The following TBC1D32 variants were observed in gnomAD, a reference collection of about 807,000 sequenced individuals.
TBC1D32 encodes the protein protein broad-minded.
A neutral mutation model predicts 170.3 loss-of-function variants in TBC1D32; 151 were observed. The observed-to-expected ratio is 0.89, with a 90% CI of 0.78 to 1.01. The LOEUF (loss-of-function observed/expected upper bound fraction) is 1.01, where lower values mean the gene tolerates loss of function less well. TBC1D32 is among the 50% of genes least tolerant of loss of function. TBC1D32 has a pLI of 0.00. For missense variants in TBC1D32, 1,464 were observed against 1,457.1 expected (o/e 1.00, Z -0.08); for synonymous variants, 498 against 488.0 (o/e 1.02, Z -0.27).
intron 21 of TBC1D32, among the ~76,000 whole-genome samples, chr6:121,211,233 AAAAATGCAAAGGGCAGGTGAGT>A (rs1793013328): frequency 6.6e-6 from 1 of 152,184 alleles, no homozygotes; most frequent in South Asian, 2.1e-4. Flanking sequence ...TAAGTAACAG[AAAAATGCAAAGGGCAGGTGAGT>A]ATAGCAGGCT....
intron 15 of TBC1D32, among the ~76,000 whole-genome samples, chr6:121,269,952 A>G (rs1409935992): frequency 1.3e-5 from 2 of 152,178 alleles, no homozygotes; most frequent in African/African-American, 2.4e-5. Context: ...CTCAGGATTA[A>G]GAAACTCACT....
At chr6:121,182,913 T>A (rs1251804884) in intron 22 of TBC1D32, among the ~76,000 whole-genome samples, 2 of 152,032 alleles carry the variant, frequency 1.3e-5, no homozygotes, top group African/African-American at 4.8e-5. Context: ...GTTTTAATGG[T>A]GTATTTTTAG....
At chr6:121,242,792 A>G (rs1797152463) in intron 17 of TBC1D32, among the ~76,000 whole-genome samples, 1 of 151,944 alleles carries the variant, frequency 6.6e-6, no homozygotes, top group South Asian at 2.1e-4. Flanking sequence ...GTGTTAATTT[A>G]TTTTACTTTT....
chr6:121,125,236 G>A (rs112909525), intron 26 of TBC1D32, among the ~76,000 whole-genome samples: 3,228 of 152,272 alleles, frequency 0.021, 50 homozygotes, highest in African/African-American at 0.045. Flanking sequence ...TACCCATCTA[G>A]AGAACATTCT....
At chr6:121,258,682 G>T (rs1799368589) in intron 15 of TBC1D32, among the ~76,000 whole-genome samples, 1 of 151,958 alleles carries the variant, frequency 6.6e-6, no homozygotes, top group Admixed American at 6.6e-5. Context: ...TCATACAAAA[G>T]GTAGCATTCT....
intron 27 of TBC1D32, among the ~76,000 whole-genome samples, chr6:121,113,659 G>C (rs772212345): frequency 6.6e-6 from 1 of 152,142 alleles, no homozygotes; most frequent in African/African-American, 2.4e-5. Flanking sequence ...ACATGGGACA[G>C]TCCTGAACAG....
chr6:121,285,308 G>A lies in TBC1D32; in HGVS notation c.1373-1398C>T, dbSNP rs573868980. Among the ~76,000 whole-genome samples, 5 of 152,306 alleles carry A rather than the reference G, an allele frequency of 3.3e-5. No homozygotes were observed. The South Asian group carries it at 6.2e-4, about 19-fold the overall frequency. On this transcript the variant is annotated intron_variant, in intron 12 of 31. Transcript: ENST00000398212. Reference sequence around the variant, plus strand: ...AAAAGTGCATGGGTTGAAGTCCAGAGCTAACCAGTATAAACTTCTAAGTGT... The same window carrying A: ...AAAAGTGCATGGGTTGAAGTCCAGAACTAACCAGTATAAACTTCTAAGTGT...
chr6:121,133,645 C>A (rs1483623961), intron 24 of TBC1D32, among the ~76,000 whole-genome samples: 5 of 151,904 alleles, frequency 3.3e-5, no homozygotes, highest in African/African-American at 1.2e-4. Flanking sequence ...TCAGAAAAAC[C>A]CTTTTTATAC....
upstream of TBC1D32, chr6:121,334,689 C>T (rs2128522835): frequency 1.9e-6 from 1 of 515,288 alleles, no homozygotes; most frequent in South Asian, 2.4e-5. Flanking sequence ...ACCAGCAGAC[C>T]TCAGGCTCTC....
chr6:121,304,774 C>T lies in TBC1D32; in HGVS notation c.750G>A (p.Lys250=). The T allele has an allele frequency of 6.2e-7, 1 of 1,606,838 alleles. No individual in the cohort carries two copies. Among genetic ancestry groups the T allele is most frequent in the Non-Finnish European group, 8.5e-7 (1 of 1,177,262 alleles). ...TFLLSPLHMT[K]EIYTSLAKYL... ...ACATACCTAAGCTTGTATAAATTTCCTTGGTCATATGTAATGGAGAAAGCA... is the reference window on the plus strand; with the variant it reads ...ACATACCTAAGCTTGTATAAATTTCTTTGGTCATATGTAATGGAGAAAGCA... The change falls in exon 6 of 32, where the codon AAG becomes AAA. Residue 250 remains lysine, a synonymous_variant. Transcript: ENST00000398212.
intron 22 of TBC1D32, among the ~76,000 whole-genome samples, chr6:121,177,140 T>C (rs1042350762): frequency 6.6e-6 from 1 of 152,166 alleles, no homozygotes; most frequent in Non-Finnish European, 1.5e-5. Context: ...AGTCTGGATA[T>C]GTGTCCCTGC....
At chr6:121,268,067 C>A (rs541617887) in intron 15 of TBC1D32, among the ~76,000 whole-genome samples, 4 of 152,202 alleles carry the variant, frequency 2.6e-5, no homozygotes, top group African/African-American at 9.6e-5. Flanking sequence ...GGAAAACTAA[C>A]AAACAGAAAG....
At chr6:121,248,248 TA>T (rs1728248984) in intron 17 of TBC1D32, among the ~76,000 whole-genome samples, 1 of 151,952 alleles carries the variant, frequency 6.6e-6, no homozygotes, top group South Asian at 2.1e-4. Flanking sequence ...ACATAGATAT[TA>T]AAAAATCATT....
chr6:121,333,767 T>C (rs1583815603), intron 1 of TBC1D32, among the ~76,000 whole-genome samples: 1 of 152,000 alleles, frequency 6.6e-6, no homozygotes, highest in South Asian at 2.1e-4. Context: ...GTTGTGGCAG[T>C]AAAAATATAG....
chr6:121,142,626 A>G (rs1376422545), intron 24 of TBC1D32, among the ~76,000 whole-genome samples: 2 of 152,172 alleles, frequency 1.3e-5, no homozygotes, highest in Non-Finnish European at 2.9e-5. Flanking sequence ...TCTTCTTGAG[A>G]TGTGTCTCTG....
At chr6:121,221,867 T>C (rs1024489254) in intron 21 of TBC1D32, among the ~76,000 whole-genome samples, 2 of 152,246 alleles carry the variant, frequency 1.3e-5, no homozygotes, top group Non-Finnish European at 2.9e-5. Flanking sequence ...ATAAACTTAG[T>C]TGATAAAGCA....
intron 25 of TBC1D32, among the ~76,000 whole-genome samples, chr6:121,128,482 C>A (rs1381125761): frequency 6.6e-6 from 1 of 152,120 alleles, no homozygotes; most frequent in African/African-American, 2.4e-5. Context: ...TGTCACAAAA[C>A]AATCCTTAAT....
At chr6:121,288,839 C>T (rs1485572047) in intron 12 of TBC1D32, among the ~76,000 whole-genome samples, 9 of 152,072 alleles carry the variant, frequency 5.9e-5, no homozygotes, top group African/African-American at 1.9e-4. Flanking sequence ...GGATGCAAGG[C>T]TGGTTCAACA....
intron 17 of TBC1D32, among the ~76,000 whole-genome samples, chr6:121,253,412 A>G (rs894439382): frequency 1.3e-5 from 2 of 152,182 alleles, no homozygotes; most frequent in African/African-American, 4.8e-5. Flanking sequence ...TCCCGCAAGA[A>G]AAAAAGGCCG....
Sources: allele counts gnomAD v4.1 joint callset (sites outside exome capture counted in the v4.1 genomes callset), GRCh38; gene constraint gnomAD v4.1.1; transcripts MANE v1.5; gene names NCBI Gene and HGNC (gene_info 2026-07-23, HGNC 2026-07-21).